Variants in ABTB3 observed in about 807,000 individuals in gnomAD.
The protein encoded by ABTB3 is ankyrin repeat and BTB domain containing 3.
chr12:107,598,944 T>C, the ABTB3 span, among the ~76,000 whole-genome samples: 2 of 152,212 alleles, frequency 1.3e-5, no homozygotes, highest in African/African-American at 4.8e-5. Context: ...GTCTGGATGT[T>C]CCTCCTTCCT....
chr12:107,559,040 C>T, the ABTB3 span, among the ~76,000 whole-genome samples: 1 of 152,196 alleles, frequency 6.6e-6, no homozygotes, highest in Admixed American at 6.5e-5. Flanking sequence ...GGGCTTTGAT[C>T]ATTTCTCTCA....
chr12:107,478,936 G>A, the ABTB3 span, among the ~76,000 whole-genome samples: 3 of 152,256 alleles, frequency 2.0e-5, no homozygotes, highest in Admixed American at 6.5e-5. Flanking sequence ...CTTCAGAACT[G>A]TGGAACTAAT....
chr12:107,495,720 C>T, the ABTB3 span, among the ~76,000 whole-genome samples: 1,602 of 152,290 alleles, frequency 0.011, 39 homozygotes, highest in African/African-American at 0.037. Context: ...AGGTCCACCT[C>T]GTTCCTGGCA....
chr12:107,401,913 G>T, the ABTB3 span, among the ~76,000 whole-genome samples: 1 of 112,176 alleles, frequency 8.9e-6, no homozygotes, highest in Non-Finnish European at 2.0e-5. Context: ...AACCGCTTAG[G>T]GTTTTTTTTT....
chr12:107,644,189 G>A, the ABTB3 span, among the ~76,000 whole-genome samples: 63,387 of 152,034 alleles, frequency 0.42, 13,785 homozygotes, highest in South Asian at 0.49. Flanking sequence ...GTAGCAAAGC[G>A]TGGGGACACT....
the ABTB3 span, among the ~76,000 whole-genome samples, chr12:107,582,010 C>G: frequency 2.6e-5 from 4 of 152,184 alleles, no homozygotes; most frequent in Non-Finnish European, 5.9e-5. Flanking sequence ...TCATTGTCAT[C>G]ATTTTCAAAT....
the ABTB3 span, among the ~76,000 whole-genome samples, chr12:107,511,647 C>T: frequency 6.6e-6 from 1 of 152,152 alleles, no homozygotes; most frequent in South Asian, 2.1e-4. Flanking sequence ...CCCTAACATT[C>T]CCATCACATT....
At chr12:107,483,951 C>A in the ABTB3 span, among the ~76,000 whole-genome samples, 1 of 152,164 alleles carries the variant, frequency 6.6e-6, no homozygotes, top group Non-Finnish European at 1.5e-5. Context: ...CTTGGCCTTA[C>A]AAAATGCTGA....
the ABTB3 span, chr12:107,649,323 G>A: frequency 3.9e-6 from 6 of 1,541,046 alleles, no homozygotes; most frequent in East Asian, 2.2e-5. Flanking sequence ...TTGGGTGAGT[G>A]GCACTTCTGT....
At chr12:107,570,684 C>T in the ABTB3 span, among the ~76,000 whole-genome samples, 1 of 151,812 alleles carries the variant, frequency 6.6e-6, no homozygotes, top group Non-Finnish European at 1.5e-5. Flanking sequence ...TATTTTTCAA[C>T]TGTAGTCCTA....
At chr12:107,393,259 T>C in the ABTB3 span, among the ~76,000 whole-genome samples, 1 of 150,792 alleles carries the variant, frequency 6.6e-6, no homozygotes, top group East Asian at 2.0e-4. Flanking sequence ...ATGGGAAGAA[T>C]CACTCTGTGC....
chr12:107,649,867 C>G, the ABTB3 span: 4 of 152,544 alleles, frequency 2.6e-5, no homozygotes, highest in Non-Finnish European at 5.9e-5. Context: ...TCAACTGGTT[C>G]TAGCCCCGCC....
the ABTB3 span, among the ~76,000 whole-genome samples, chr12:107,362,767 T>C: frequency 2.0e-5 from 3 of 151,876 alleles, no homozygotes; most frequent in East Asian, 3.9e-4. Context: ...CTCTCCAGCC[T>C]GGGTGACAGA....
chr12:107,575,893 C>A, the ABTB3 span, among the ~76,000 whole-genome samples: 1 of 152,160 alleles, frequency 6.6e-6, no homozygotes, highest in South Asian at 2.1e-4. Flanking sequence ...TTCAGCCAAC[C>A]ATACCCTCTG....
At chr12:107,354,780 G>T in the ABTB3 span, among the ~76,000 whole-genome samples, 2 of 152,016 alleles carry the variant, frequency 1.3e-5, no homozygotes, top group Admixed American at 1.3e-4. Flanking sequence ...CTGTATTTTT[G>T]ATTATAGCCA....
At chr12:107,346,860 A>G in the ABTB3 span, among the ~76,000 whole-genome samples, 1 of 152,198 alleles carries the variant, frequency 6.6e-6, no homozygotes. Context: ...GGTAAATAGC[A>G]GAGGCCAAAG....
At chr12:107,607,340 G>T in the ABTB3 span, among the ~76,000 whole-genome samples, 1 of 152,168 alleles carries the variant, frequency 6.6e-6, no homozygotes, top group African/African-American at 2.4e-5. Context: ...TGCCCTAGAA[G>T]CTCAGGTCTC....
At chr12:107,541,476 T>C in the ABTB3 span, among the ~76,000 whole-genome samples, 1 of 152,362 alleles carries the variant, frequency 6.6e-6, no homozygotes, top group East Asian at 1.9e-4. Context: ...GAGAAAGTCA[T>C]TTATTTTAAG....
At chr12:107,522,571 G>GTCTCTC in the ABTB3 span, among the ~76,000 whole-genome samples, 1 of 141,842 alleles carries the variant, frequency 7.1e-6, no homozygotes, top group Non-Finnish European at 1.5e-5. Flanking sequence ...TTTTTTAATT[G>GTCTCTC]TCTCTCTCTC....
Sources: gnomAD v4.1 joint callset for allele counts (sites outside exome capture counted in the v4.1 genomes callset) on GRCh38, gnomAD v4.1.1 for gene constraint, MANE v1.5 for transcripts, NCBI Gene and HGNC (gene_info 2026-07-23, HGNC 2026-07-21) for gene names.